The following KALRN variants were observed in gnomAD, a reference collection of about 807,000 sequenced individuals.
KALRN encodes the protein kalirin RhoGEF kinase.
In KALRN, 70 loss-of-function variants were observed where a neutral mutation model predicts 353.7. That is an observed-to-expected ratio of 0.20 (90% CI 0.16 to 0.24). KALRN has a LOEUF of 0.24. KALRN is among the 10% of genes least tolerant of loss of function. The pLI, the probability that KALRN is intolerant of heterozygous loss-of-function variation, is 1.00. For synonymous variants in KALRN, 1,391 were observed against 1,434.8 expected (o/e 0.97, Z 0.69); for missense variants, 2,791 against 3,756.7 (o/e 0.74, Z 6.72).
At chr3:124,244,341 G>A (rs2080860068) in intron 3 of KALRN, among the ~76,000 whole-genome samples, 1 of 152,074 alleles carries the variant, frequency 6.6e-6, no homozygotes, top group Admixed American at 6.6e-5. Context: ...TGGTTCAAGC[G>A]ATCCTCTTGC....
chr3:124,435,268 C>G (rs907301181), intron 17 of KALRN, among the ~76,000 whole-genome samples: 4 of 152,142 alleles, frequency 2.6e-5, no homozygotes, highest in African/African-American at 2.4e-5. Context: ...TCTTTCATTC[C>G]TTGGGCCCCC....
At chr3:124,338,760 T>C (rs942379639) in intron 9 of KALRN, among the ~76,000 whole-genome samples, 8 of 152,160 alleles carry the variant, frequency 5.3e-5, no homozygotes, top group African/African-American at 1.9e-4. Context: ...ACTATTATTG[T>C]GTGGGAGTCT....
At chr3:124,092,103 T>C (rs1339162327) in intron 1 of KALRN, among the ~76,000 whole-genome samples, 1 of 152,226 alleles carries the variant, frequency 6.6e-6, no homozygotes, top group East Asian at 1.9e-4. Flanking sequence ...ATTGCTTATG[T>C]TCTTAGGTCT....
At chr3:124,460,569 T>C (rs984892875) in intron 23 of KALRN, among the ~76,000 whole-genome samples, 1 of 152,230 alleles carries the variant, frequency 6.6e-6, no homozygotes, top group Non-Finnish European at 1.5e-5. Context: ...CATTTAATCA[T>C]GGAATGTTTC....
At chr3:124,301,571 C>A (rs2077270785) in intron 6 of KALRN, among the ~76,000 whole-genome samples, 3 of 152,076 alleles carry the variant, frequency 2.0e-5, no homozygotes, top group Admixed American at 6.5e-5. Context: ...ATACCTGGTG[C>A]CTTTGTTAAA....
At chr3:124,279,806 C>T (rs1288114268) in intron 5 of KALRN, among the ~76,000 whole-genome samples, 2 of 152,204 alleles carry the variant, frequency 1.3e-5, no homozygotes, top group Admixed American at 6.5e-5. Context: ...AAACAAATAG[C>T]CATTGCACAG....
chr3:124,650,823 T>G lies in KALRN; in HGVS notation c.5680T>G (p.Ser1894Ala). 1 of 1,613,640 alleles carries G rather than the reference T, an allele frequency of 6.2e-7. No individual in the cohort carries two copies. Among genetic ancestry groups the G allele is most frequent in the Non-Finnish European group, 8.5e-7 (1 of 1,179,608 alleles). Residue 1894 changes from serine (S) to alanine (A), a missense_variant, in exon 38 of 60, where the codon TCA becomes GCA. Coordinates refer to ENST00000682506, the MANE Select transcript of KALRN (RefSeq NM_001388419.1). ...CTCTTTTCAGAGTCTAGAAGGAAGC[T>G]CATACCGGGGGAGCTTGAAAGACCC... Reference protein sequence around the residue: ...VKNKLSLEGSSYRGSLKDPAG... With the variant: ...VKNKLSLEGSAYRGSLKDPAG...
chr3:124,262,987 C>T (rs1052540875), intron 3 of KALRN, among the ~76,000 whole-genome samples: 4 of 152,188 alleles, frequency 2.6e-5, no homozygotes, highest in East Asian at 1.9e-4. Context: ...ATAAAATAAA[C>T]GGATTGGCTT....
intron 25 of KALRN, among the ~76,000 whole-genome samples, chr3:124,463,780 CCTCT>C: frequency 6.6e-6 from 1 of 152,208 alleles, no homozygotes; most frequent in Middle Eastern, 3.4e-3. Context: ...GAAAGTCACT[CCTCT>C]CTCTTCACCT....
At chr3:124,703,905 A>T (rs994525141) in intron 57 of KALRN, among the ~76,000 whole-genome samples, 3 of 152,142 alleles carry the variant, frequency 2.0e-5, no homozygotes, top group African/African-American at 7.2e-5. Flanking sequence ...CCTGGGCTCA[A>T]GCAATCCTCC....
At chr3:124,441,753 G>A (rs2093672262) in intron 18 of KALRN, among the ~76,000 whole-genome samples, 192 bp from the exon 19 acceptor site, 1 of 151,992 alleles carries the variant, frequency 6.6e-6, no homozygotes, top group South Asian at 2.1e-4. Flanking sequence ...TTGAGCCTGG[G>A]AGGTGGAGAC....
In KALRN at chr3:124,438,944, T is replaced by C. The variant is rs1304729291; in HGVS notation, c.3105T>C (p.Cys1035=). ...EQEYRRDEDW[C]GGRDKLGPAA... is the part of the protein sequence containing the mutation. ...AATACCGGAGAGATGAGGACTGGTG[T>C]GGTGGACGAGATAAGCTGGGGCCAG... The change falls in exon 18 of 60, where the codon TGT becomes TGC. Residue 1035 remains cysteine (C), a synonymous_variant. Transcript: ENST00000682506. 1.2e-6 allele frequency: 2 copies of C among 1,614,042 alleles called. No individual in the cohort carries two copies. Among genetic ancestry groups the C allele is most frequent in the South Asian group, 1.1e-5 (1 of 91,048 alleles).
chr3:124,695,912 T>A (rs112691214), intron 53 of KALRN, among the ~76,000 whole-genome samples: 1 of 152,210 alleles, frequency 6.6e-6, no homozygotes, highest in Non-Finnish European at 1.5e-5. Flanking sequence ...TTATCCCTCA[T>A]GTACAACAAA....
chr3:124,148,940 G>A (rs2067723581), intron 1 of KALRN, among the ~76,000 whole-genome samples: 1 of 152,110 alleles, frequency 6.6e-6, no homozygotes, highest in Admixed American at 6.5e-5. Context: ...GAACAAAAAT[G>A]TATTTACTGC....
At chr3:124,474,615 G>A (rs1355680110) in intron 25 of KALRN, 48 bp from the exon 26 acceptor site, 3 of 1,448,130 alleles carry the variant, frequency 2.1e-6, no homozygotes, top group Non-Finnish European at 9.7e-7. Flanking sequence ...TCCTCTGGGG[G>A]GTCAGCTGCA....
intron 27 of KALRN, among the ~76,000 whole-genome samples, chr3:124,480,292 G>C (rs900776624): frequency 1.3e-5 from 2 of 152,106 alleles, no homozygotes; most frequent in Non-Finnish European, 2.9e-5. Context: ...CACACCTCTG[G>C]GAAAGAGGCA....
chr3:124,381,808 C>G (rs960566638), intron 10 of KALRN, among the ~76,000 whole-genome samples: 20 of 152,166 alleles, frequency 1.3e-4, no homozygotes, highest in Non-Finnish European at 2.9e-5. Context: ...GACATGGAAA[C>G]TGCCTTTAAG....
In KALRN at chr3:124,674,435, T is replaced by C; in HGVS notation, c.7014T>C (p.Asn2338=). The C allele has an allele frequency of 6.2e-7, 1 of 1,613,918 alleles. No individual in the cohort carries two copies. The highest frequency in any genetic ancestry group is 1.6e-4 in the Middle Eastern group (1 of 6,062). ...VIKDYYALKE[N]EICVSQGEVV... is the part of the protein sequence containing the mutation. ...AAGATTACTATGCACTGAAGGAGAA[T>C]GAAATCTGTGTGAGCCAAGGTGAGG... is the stretch of plus-strand genomic sequence containing the variant. The change falls in exon 49 of 60, where the codon AAT becomes AAC. Residue 2338 remains asparagine, a synonymous_variant. Coordinates refer to ENST00000682506, the MANE Select transcript of KALRN (RefSeq NM_001388419.1).
In KALRN at chr3:124,291,737, G is replaced by GTGAAAGTGTC. The variant is rs1371716816; in HGVS notation, c.970-7052_970-7043dup. On this transcript the variant is annotated intron_variant, in intron 5 of 59. Coordinates refer to ENST00000682506, the MANE Select transcript of KALRN (RefSeq NM_001388419.1). ...ATCCTGGCCAGTTACTGAGGATACA[G>GTGAAAGTGTC]TGAAAGTGTCTCCCAGGTAACCAGG... Among the ~76,000 whole-genome samples the GTGAAAGTGTC allele has an allele frequency of 2.0e-5, 3 of 152,200 alleles. No individual in the cohort carries two copies. In the East Asian group the frequency reaches 5.8e-4, roughly 29 times the overall value.
Sources: allele counts gnomAD v4.1 joint callset (sites outside exome capture counted in the v4.1 genomes callset), GRCh38; gene constraint gnomAD v4.1.1; transcripts MANE v1.5; gene names NCBI Gene and HGNC (gene_info 2026-07-23, HGNC 2026-07-21).